The following CAPN5 variants were observed in gnomAD, a reference collection of about 807,000 sequenced individuals.
The protein encoded by CAPN5 is calpain 5.
Under a neutral mutation model 73.0 loss-of-function variants are expected in CAPN5, and 54 were observed. The ratio of observed to expected loss-of-function variants is 0.74; its 90% CI spans 0.59 to 0.93. CAPN5 has a LOEUF of 0.93. Among genes scored for constraint, CAPN5 ranks in the 40% least tolerant of loss-of-function variants. The pLI is 0.00. For synonymous variants in CAPN5, 335 were observed against 356.9 expected (o/e 0.94, Z 0.69); for missense variants, 785 against 882.9 (o/e 0.89, Z 1.41).
intron 3 of CAPN5, among the ~76,000 whole-genome samples, chr11:77,094,262 C>G (rs1555037170): frequency 6.6e-6 from 1 of 152,158 alleles, no homozygotes; most frequent in Non-Finnish European, 1.5e-5. Context: ...TTTGGTGATC[C>G]CCAGCTTCAT....
At chr11:77,097,669 ACT>A (rs1179395200) in intron 3 of CAPN5, among the ~76,000 whole-genome samples, 1 of 100,612 alleles carries the variant, frequency 9.9e-6, no homozygotes, top group African/African-American at 4.4e-5. Flanking sequence ...ATTGGTGATG[ACT>A]CTTAACGAGC....
At chr11:77,067,153 G>A (rs993176880) in intron 1 of CAPN5, 59 bp downstream of exon 1, 1 of 151,950 alleles carries the variant, frequency 6.6e-6, no homozygotes, top group Non-Finnish European at 1.5e-5. Context: ...TGTGTTTCGG[G>A]GGGGTGTGTG....
intron 1 of CAPN5, chr11:77,071,481 G>T (rs77662939): frequency 0.012 from 4,462 of 364,002 alleles, 50 homozygotes; most frequent in South Asian, 0.031. Context: ...ACCCTACAAG[G>T]GGGTGGGGCT....
intron 3 of CAPN5, among the ~76,000 whole-genome samples, chr11:77,108,507 T>C (rs1223365013): frequency 6.6e-6 from 1 of 152,090 alleles, no homozygotes; most frequent in Non-Finnish European, 1.5e-5. Flanking sequence ...GCTGAGAGCG[T>C]GGACTGCCGG....
chr11:77,106,765 G>A (rs1565272229), intron 3 of CAPN5, among the ~76,000 whole-genome samples: 1 of 152,218 alleles, frequency 6.6e-6, no homozygotes, highest in Admixed American at 6.5e-5. Flanking sequence ...GTGGGTGGGG[G>A]TACAGGAGAA....
At chr11:77,115,339 C>T (rs1950455335) in intron 5 of CAPN5, 56 bp from the exon 6 acceptor site, 2 of 1,467,372 alleles carry the variant, frequency 1.4e-6, no homozygotes, top group Admixed American at 1.9e-5. Context: ...CACCTGAGTC[C>T]CTGGTCTGGG....
intron 7 of CAPN5, 34 bp from the exon 8 acceptor site, chr11:77,118,123 G>A: frequency 6.3e-7 from 1 of 1,584,126 alleles, no homozygotes; most frequent in Non-Finnish European, 8.6e-7. Flanking sequence ...GAGGTGTGGG[G>A]GAGGTACCCT....
chr11:77,123,943 TGG>T lies in CAPN5; in HGVS notation c.*75_*76del. The T allele has an allele frequency of 6.9e-7, 1 of 1,458,802 alleles. No individual in the cohort carries two copies. The highest frequency in any genetic ancestry group is 1.4e-5 in the African/African-American group (1 of 72,082). 90.4% of individuals were successfully genotyped at this position (1,458,802 alleles called of 1,614,324 possible). On this transcript the variant is annotated 3_prime_UTR_variant, in exon 13 of 13. Transcript: ENST00000648180. ...GTCCCCACTGGGCCTGAGTCTAGCC[TGG>T]GAGCCAGGATACTGGGGTCCTTTTC...
At chr11:77,087,941 G>A in intron 2 of CAPN5, 2 of 1,536,056 alleles carry the variant, frequency 1.3e-6, no homozygotes, top group South Asian at 2.4e-5. Flanking sequence ...GTTCTTTCCA[G>A]TACAGTGGCC....
chr11:77,072,072 C>T (rs1376109015), intron 1 of CAPN5, among the ~76,000 whole-genome samples: 2 of 152,212 alleles, frequency 1.3e-5, no homozygotes, highest in South Asian at 2.1e-4. Context: ...CCTTCTCATA[C>T]ATCATCACAC....
intron 1 of CAPN5, among the ~76,000 whole-genome samples, chr11:77,073,577 C>T (rs1308126152): frequency 6.6e-6 from 1 of 152,228 alleles, no homozygotes; most frequent in Non-Finnish European, 1.5e-5. Context: ...GACATCACGG[C>T]TGCAGGACCA....
rs79461340 is a variant in CAPN5, at chr11:77,069,778, A to G, written c.-36+2684A>G. The stretch of plus-strand genomic sequence containing the variant: ...TCAGAGCCCCTCCCAGGCACCTCTC[A>G]AGTGCCCTCAGAGAACTCTTCTGCC... On this transcript the variant is annotated intron_variant, in intron 1 of 12. Transcript: ENST00000648180. 9.9e-3 allele frequency among the ~76,000 whole-genome samples: 1,504 copies of G among 152,222 alleles called. 22 individuals are homozygous for G. Among genetic ancestry groups the G allele is most frequent in the African/African-American group, 0.034 (1,418 of 41,530 alleles).
In CAPN5 at chr11:77,105,747, C is replaced by CTGGG. The variant is rs547843976; in HGVS notation, c.298-6841_298-6838dup. Among the ~76,000 whole-genome samples, 413 of 152,312 alleles carry CTGGG rather than the reference C, an allele frequency of 2.7e-3. 1 individual carries two copies. Among genetic ancestry groups the CTGGG allele is most frequent in the African/African-American group, 9.6e-3 (398 of 41,570 alleles). ...CCCTCCAGGAATTGTCAAACCTGTG[C>CTGGG]TGGGCTAGACTGACATGGGCAAGAT... On this transcript the variant is annotated intron_variant, in intron 3 of 12. Coordinates refer to ENST00000648180, the MANE Select transcript of CAPN5 (RefSeq NM_004055.5).
At chr11:77,097,743 C>A in intron 3 of CAPN5, among the ~76,000 whole-genome samples, 1 of 90,338 alleles carries the variant, frequency 1.1e-5, no homozygotes, top group African/African-American at 6.0e-5. Context: ...TCCATTTAAC[C>A]CTGAGTGGAC....
rs1372459341 is a variant in CAPN5 at position 77,073,061 on chromosome 11, C to T, written c.-36+5967C>T. ...ACCCCGGGTGAGAGAGAATGTCCTG[C>T]ACAGGGACGCCCAGCTGTATCTACC... On this transcript the variant is annotated intron_variant, in intron 1 of 12. Transcript: ENST00000648180. 8.5e-6 allele frequency: 11 copies of T among 1,289,152 alleles called. No homozygotes were observed. In the African/African-American group the frequency reaches 1.4e-4, roughly 16 times the overall value. 79.9% of individuals were successfully genotyped at this position (1,289,152 alleles called of 1,614,324 possible).
chr11:77,095,865 T>A (rs1335536163), intron 3 of CAPN5, among the ~76,000 whole-genome samples: 1 of 152,224 alleles, frequency 6.6e-6, no homozygotes, highest in Non-Finnish European at 1.5e-5. Flanking sequence ...GCACCTGGCC[T>A]GGCTGGTCTG....
intron 1 of CAPN5, among the ~76,000 whole-genome samples, chr11:77,079,814 T>TGTGTGA (rs56121572): frequency 4.3e-4 from 66 of 152,040 alleles, no homozygotes; most frequent in African/African-American, 1.5e-3. Flanking sequence ...TGTGTGTGTG[T>TGTGTGA]CTGTGTGTGT....
chr11:77,122,505 CT>C (rs1292218644), intron 11 of CAPN5, 70 bp from the exon 12 acceptor site: 1 of 1,312,116 alleles, frequency 7.6e-7, no homozygotes, highest in Non-Finnish European at 1.1e-6. Flanking sequence ...GGCATCTCAC[CT>C]GTAGATATCT....
chr11:77,079,392 A>G (rs1376791108), intron 1 of CAPN5, among the ~76,000 whole-genome samples: 4 of 152,222 alleles, frequency 2.6e-5, no homozygotes, highest in African/African-American at 9.7e-5. Flanking sequence ...TTATTTAAAT[A>G]GAATCATGTA....
Sources: gnomAD v4.1 joint callset for allele counts (sites outside exome capture counted in the v4.1 genomes callset) on GRCh38, gnomAD v4.1.1 for gene constraint, MANE v1.5 for transcripts, NCBI Gene and HGNC (gene_info 2026-07-23, HGNC 2026-07-21) for gene names.